USP25: variants seen among roughly 807,000 people sequenced by gnomAD.
USP25 encodes the protein ubiquitin carboxyl-terminal hydrolase 25.
A neutral mutation model predicts 158.5 loss-of-function variants in USP25; 85 were observed. The ratio of observed to expected loss-of-function variants is 0.54; its 90% CI spans 0.45 to 0.64. USP25 has a LOEUF of 0.64. USP25 is among the 30% of genes least tolerant of loss of function. The pLI, the probability that USP25 is intolerant of heterozygous loss-of-function variation, is 0.00. For synonymous variants in USP25, 464 were observed against 460.4 expected (o/e 1.01, Z -0.10); for missense variants, 1,242 against 1,327.3 (o/e 0.94, Z 1.00).
At chr21:15,732,506 T>A (rs2031020535) in intron 1 of USP25, among the ~76,000 whole-genome samples, 1 of 152,192 alleles carries the variant, frequency 6.6e-6, no homozygotes, top group African/African-American at 2.4e-5. Flanking sequence ...ACTTCACACT[T>A]AGAAGAAACA....
intron 1 of USP25, among the ~76,000 whole-genome samples, chr21:15,746,963 T>G (rs1346146025): frequency 6.6e-6 from 1 of 152,230 alleles, no homozygotes; most frequent in Non-Finnish European, 1.5e-5. Flanking sequence ...GTTGTTGCAC[T>G]TCTTATTTTG....
At position 15,730,460 on chromosome 21, in the gene USP25, G is replaced by T. The variant is rs1049017224; in HGVS notation, c.45+22G>T. 1.1e-5 allele frequency: 15 copies of T among 1,345,662 alleles called. No individual in the cohort carries two copies. In the African/African-American group the frequency reaches 1.5e-4, roughly 14 times the overall value. 83.4% of individuals were successfully genotyped at this position (1,345,662 alleles called of 1,614,324 possible). On this transcript the variant is annotated intron_variant, in intron 1 of 25. Transcript: ENST00000400183. ...GAAGGTGAGGCGAGTCCGCCAGCCG[G>T]CGGGCCCCACTTCTCCTTCCGACGG...
At chr21:15,860,141 C>G (rs774738260) in intron 20 of USP25, among the ~76,000 whole-genome samples, 47 of 151,762 alleles carry the variant, frequency 3.1e-4, no homozygotes, top group Non-Finnish European at 6.5e-4. Flanking sequence ...GCTCCCGCCA[C>G]CATACCCAGC....
rs114286025 is a variant in USP25, at chr21:15,842,857, C to T, written c.2337+317C>T. Among the ~76,000 whole-genome samples the T allele has an allele frequency of 2.4e-3, 361 of 152,272 alleles. 5 individuals carry two copies. Among genetic ancestry groups the T allele is most frequent in the African/African-American group, 8.4e-3 (349 of 41,560 alleles). On this transcript the variant is annotated intron_variant, in intron 18 of 25. Coordinates refer to ENST00000400183, the MANE Select transcript of USP25 (RefSeq NM_001283041.3). ...TAAAATTTAGCAGTATTTCTCCTGT[C>T]TCTCACCCATTCCTCCATCTGTAAT...
intron 1 of USP25, among the ~76,000 whole-genome samples, chr21:15,751,640 C>G (rs2033021583): frequency 6.6e-6 from 1 of 152,108 alleles, no homozygotes; most frequent in Non-Finnish European, 1.5e-5. Flanking sequence ...TGATTTGATT[C>G]ATAAAAGTTT....
chr21:15,797,246 C>T (rs1938390939), intron 5 of USP25, among the ~76,000 whole-genome samples: 1 of 151,214 alleles, frequency 6.6e-6, no homozygotes. Context: ...ATATTCCAAA[C>T]TTGAGAAAGA....
intron 25 of USP25, 121 bp downstream of exon 25, chr21:15,878,112 C>A: frequency 9.8e-7 from 1 of 1,022,006 alleles, no homozygotes; most frequent in Non-Finnish European, 1.4e-6. Flanking sequence ...AATATTTTCA[C>A]ATTCACATGA....
chr21:15,783,341 G>A (rs373571232), intron 4 of USP25, among the ~76,000 whole-genome samples: 4 of 152,284 alleles, frequency 2.6e-5, no homozygotes, highest in African/African-American at 9.6e-5. Flanking sequence ...CACCCATTTG[G>A]TTAAATAGAT....
At chr21:15,811,081 C>G in intron 8 of USP25, 56 bp from the exon 9 acceptor site, 1 of 1,441,366 alleles carries the variant, frequency 6.9e-7, no homozygotes, top group South Asian at 1.2e-5. Context: ...TTAATATTTT[C>G]TCTATTTATA....
chr21:15,832,109 CTTGT>C (rs1420938709), intron 16 of USP25, among the ~76,000 whole-genome samples: 3 of 152,126 alleles, frequency 2.0e-5, no homozygotes, highest in Non-Finnish European at 4.4e-5. Context: ...TTGCCTAATT[CTTGT>C]TTATCTGTCA....
rs2033646077 is a variant in USP25 at position 15,760,226 on chromosome 21, T to A, written c.46-2665T>A. Among the ~76,000 whole-genome samples the A allele has an allele frequency of 3.3e-5, 5 of 152,182 alleles. No homozygotes were observed. The South Asian group carries it at 1.0e-3, about 31-fold the overall frequency. On this transcript the variant is annotated intron_variant, in intron 1 of 25. Transcript: ENST00000400183. ...TTTGTGAGGCTTTTGTAAGTGGAAG[T>A]TTGTAGGTGGGGCTTGTTAAAGAAG...
intron 23 of USP25, among the ~76,000 whole-genome samples, chr21:15,872,981 T>C (rs1375862272): frequency 2.0e-5 from 3 of 152,184 alleles, no homozygotes; most frequent in Non-Finnish European, 4.4e-5. Flanking sequence ...AAAGGAAATA[T>C]TTTAAAATAA....
chr21:15,758,507 C>T (rs549596382), intron 1 of USP25, among the ~76,000 whole-genome samples: 1 of 152,254 alleles, frequency 6.6e-6, no homozygotes, highest in African/African-American at 2.4e-5. Context: ...TAAGATGTGC[C>T]TTTGCCCCTC....
chr21:15,734,593 A>G (rs1019571601), intron 1 of USP25, among the ~76,000 whole-genome samples: 1 of 152,116 alleles, frequency 6.6e-6, no homozygotes, highest in African/African-American at 2.4e-5. Context: ...ATTTTCTTCA[A>G]TATTATATGT....
chr21:15,857,633 GATTC>G (rs2039219669), intron 20 of USP25, among the ~76,000 whole-genome samples: 1 of 151,894 alleles, frequency 6.6e-6, no homozygotes, highest in Non-Finnish European at 1.5e-5. Flanking sequence ...TAAGACAATT[GATTC>G]ATCTGTAATT....
intron 16 of USP25, among the ~76,000 whole-genome samples, chr21:15,832,270 C>CT (rs1402501622): frequency 6.6e-6 from 1 of 152,180 alleles, no homozygotes. Flanking sequence ...ACATTTCTCT[C>CT]TTATCTGCTC....
chr21:15,806,582 C>T (rs1041249687), intron 7 of USP25, among the ~76,000 whole-genome samples: 7 of 151,994 alleles, frequency 4.6e-5, no homozygotes, highest in East Asian at 1.9e-4. Flanking sequence ...ATACAACTGG[C>T]GGTTAAGGCC....
At chr21:15,830,251 C>G (rs960307877) in intron 14 of USP25, among the ~76,000 whole-genome samples, 4 of 152,078 alleles carry the variant, frequency 2.6e-5, no homozygotes, top group Non-Finnish European at 2.9e-5. Flanking sequence ...CATTGAAACT[C>G]TCCTTTATAG....
intron 14 of USP25, among the ~76,000 whole-genome samples, chr21:15,828,477 C>A (rs1268098622): frequency 6.6e-6 from 1 of 152,062 alleles, no homozygotes; most frequent in East Asian, 1.9e-4. Context: ...GGGTCATTGG[C>A]TAGAGGTAAG....
Sources: allele counts gnomAD v4.1 joint callset (sites outside exome capture counted in the v4.1 genomes callset), GRCh38; gene constraint gnomAD v4.1.1; transcripts MANE v1.5; gene names NCBI Gene and HGNC (gene_info 2026-07-23, HGNC 2026-07-21).